Variants in CDH18 observed in about 807,000 individuals in gnomAD.
CDH18 encodes cadherin-18.
Under a neutral mutation model 67.9 loss-of-function variants are expected in CDH18, and 31 were observed. The ratio of observed to expected loss-of-function variants is 0.46; its 90% CI spans 0.34 to 0.62. CDH18 has a LOEUF of 0.62. Ranked by LOEUF, CDH18 falls within the 20% of genes least tolerant of loss-of-function variation. The probability of loss-of-function intolerance (pLI) is 0.01; values close to 1 mark genes in which losing one functional copy is unlikely to be tolerated. For missense variants in CDH18, 890 were observed against 975.5 expected (o/e 0.91, Z 1.17); for synonymous variants, 362 against 347.2 (o/e 1.04, Z -0.48).
At chr5:20,173,867 A>G (rs528497600) in intron 2 of CDH18, among the ~76,000 whole-genome samples, 2 of 152,130 alleles carry the variant, frequency 1.3e-5, no homozygotes, top group South Asian at 2.1e-4. Flanking sequence ...GAATATTACG[A>G]TTTTTAAGGA....
At chr5:20,267,002 A>C (rs1745092842) in intron 1 of CDH18, among the ~76,000 whole-genome samples, 1 of 152,180 alleles carries the variant, frequency 6.6e-6, no homozygotes, top group South Asian at 2.1e-4. Flanking sequence ...AGTCTACTGA[A>C]TGTATAAATG....
intron 4 of CDH18, among the ~76,000 whole-genome samples, chr5:19,730,675 C>T (rs73055671): frequency 0.086 from 13,075 of 151,660 alleles, 1,192 homozygotes; most frequent in East Asian, 0.25. Flanking sequence ...CCTATGTGGA[C>T]AATCTGTGGT....
intron 1 of CDH18, among the ~76,000 whole-genome samples, chr5:20,338,933 G>A (rs1166468591): frequency 6.6e-6 from 1 of 152,122 alleles, no homozygotes; most frequent in African/African-American, 2.4e-5. Flanking sequence ...AACAAGGTAA[G>A]TGTGACTTCC....
At chr5:20,113,299 G>A (rs1036971369) in intron 2 of CDH18, among the ~76,000 whole-genome samples, 2 of 152,192 alleles carry the variant, frequency 1.3e-5, no homozygotes, top group African/African-American at 4.8e-5. Flanking sequence ...TTCCCCAGCT[G>A]AGATGCTTTA....
At chr5:19,719,636 T>C (rs574689039) in intron 5 of CDH18, among the ~76,000 whole-genome samples, 16 of 152,060 alleles carry the variant, frequency 1.1e-4, no homozygotes, top group African/African-American at 3.9e-4. Flanking sequence ...AGTGATACCT[T>C]GGAACCAACA....
At chr5:19,711,943 G>A (rs1257385390) in intron 5 of CDH18, among the ~76,000 whole-genome samples, 1 of 152,034 alleles carries the variant, frequency 6.6e-6, no homozygotes, top group Non-Finnish European at 1.5e-5. Context: ...TAAACAAAAT[G>A]TGCTACATAT....
intron 1 of CDH18, among the ~76,000 whole-genome samples, chr5:20,380,181 C>A (rs1020517802): frequency 1.3e-5 from 2 of 151,944 alleles, no homozygotes; most frequent in Non-Finnish European, 2.9e-5. Context: ...ATGGATGGGT[C>A]AAAATTGTGT....
rs1737825318 is a variant in CDH18 at position 19,473,214 on chromosome 5, A to G, written c.*12T>C. The G allele has an allele frequency of 6.2e-7, 1 of 1,609,402 alleles. No individual in the cohort carries two copies. Among genetic ancestry groups the G allele is most frequent in the East Asian group, 2.2e-5 (1 of 44,782 alleles). ...AGGAAGCAAATTCCACAAGGTTGCAAGAACTGACCCCCTAAGTTGTTCTTT... is the reference window on the plus strand; with the variant it reads ...AGGAAGCAAATTCCACAAGGTTGCAGGAACTGACCCCCTAAGTTGTTCTTT... On this transcript the variant is annotated 3_prime_UTR_variant, in exon 13 of 13. Transcript: ENST00000382275.
intron 1 of CDH18, among the ~76,000 whole-genome samples, chr5:20,427,463 A>G (rs1748389751): frequency 6.6e-6 from 1 of 151,428 alleles, no homozygotes; most frequent in East Asian, 1.9e-4. Flanking sequence ...ATGATACATT[A>G]TACTGAATAT....
intron 5 of CDH18, among the ~76,000 whole-genome samples, chr5:19,676,323 C>T (rs1181836103): frequency 2.0e-5 from 3 of 151,904 alleles, no homozygotes; most frequent in Non-Finnish European, 4.4e-5. Flanking sequence ...GGTAATCATT[C>T]AAATTGAACA....
At chr5:20,428,000 C>A (rs1231481643) in intron 1 of CDH18, among the ~76,000 whole-genome samples, 1 of 150,824 alleles carries the variant, frequency 6.6e-6, no homozygotes, top group Non-Finnish European at 1.5e-5. Flanking sequence ...CATAGGTATA[C>A]AAGTGCCATG....
At chr5:19,827,608 G>A (rs532155921) in intron 3 of CDH18, among the ~76,000 whole-genome samples, 4 of 152,214 alleles carry the variant, frequency 2.6e-5, no homozygotes, top group Non-Finnish European at 5.9e-5. Context: ...ATACAAAGAT[G>A]TGGAAAGTAA....
intron 2 of CDH18, among the ~76,000 whole-genome samples, chr5:20,027,733 G>A (rs1480489749): frequency 6.6e-6 from 1 of 152,232 alleles, no homozygotes; most frequent in Admixed American, 6.5e-5. Flanking sequence ...GGGGGATTAT[G>A]GCTTAACATT....
At chr5:20,042,765 C>T (rs1030260426) in intron 2 of CDH18, among the ~76,000 whole-genome samples, 1 of 151,984 alleles carries the variant, frequency 6.6e-6, no homozygotes, top group Admixed American at 6.6e-5. Flanking sequence ...AGATCGAGAC[C>T]ATCCTGGCTA....
intron 1 of CDH18, among the ~76,000 whole-genome samples, chr5:20,271,422 AT>A (rs1745425644): frequency 6.6e-6 from 1 of 152,144 alleles, no homozygotes; most frequent in African/African-American, 2.4e-5. Context: ...AGAAGAGAGC[AT>A]TTTTAATGTC....
intron 3 of CDH18, among the ~76,000 whole-genome samples, chr5:19,833,482 T>A (rs1781284254): frequency 6.6e-6 from 1 of 152,156 alleles, no homozygotes; most frequent in African/African-American, 2.4e-5. Flanking sequence ...ACAACTTCAG[T>A]TCCACTCTTC....
At chr5:19,581,967 T>C (rs1743326126) in intron 7 of CDH18, among the ~76,000 whole-genome samples, 2 of 152,036 alleles carry the variant, frequency 1.3e-5, no homozygotes, top group Non-Finnish European at 2.9e-5. Context: ...TCATCATATA[T>C]TTCTCTATAC....
intron 9 of CDH18, among the ~76,000 whole-genome samples, chr5:19,529,111 G>C (rs532772625): frequency 1.3e-5 from 2 of 151,998 alleles, no homozygotes; most frequent in South Asian, 4.2e-4. Context: ...TGGGAGAAGA[G>C]ACTTACATAA....
chr5:19,860,143 C>A (rs1296727475), intron 2 of CDH18, among the ~76,000 whole-genome samples: 1 of 152,038 alleles, frequency 6.6e-6, no homozygotes, highest in Non-Finnish European at 1.5e-5. Context: ...GTGATTCCAA[C>A]CATTGGCAAT....
Sources: allele counts gnomAD v4.1 joint callset (sites outside exome capture counted in the v4.1 genomes callset), GRCh38; gene constraint gnomAD v4.1.1; transcripts MANE v1.5; gene names NCBI Gene and HGNC (gene_info 2026-07-23, HGNC 2026-07-21).